KIAA1328: variants seen among roughly 807,000 people sequenced by gnomAD.
KIAA1328 encodes protein hinderin.
In KIAA1328, 52 loss-of-function variants were observed where a neutral mutation model predicts 68.1. That is an observed-to-expected ratio of 0.76 (90% CI 0.61 to 0.96). The LOEUF (loss-of-function observed/expected upper bound fraction) is 0.96. Among genes scored for constraint, KIAA1328 ranks in the 40% least tolerant of loss-of-function variants. The pLI, the probability that KIAA1328 is intolerant of heterozygous loss-of-function variation, is 0.00. For missense variants in KIAA1328, 641 were observed against 677.6 expected (o/e 0.95, Z 0.60); for synonymous variants, 232 against 239.4 (o/e 0.97, Z 0.28).
At chr18:36,905,763 C>G (rs2049197328) in intron 5 of KIAA1328, among the ~76,000 whole-genome samples, 1 of 152,284 alleles carries the variant, frequency 6.6e-6, no homozygotes, top group Admixed American at 6.5e-5. Context: ...CTGACAAGTG[C>G]TCACATTATC....
At chr18:37,191,902 C>T (rs1599556113) in intron 9 of KIAA1328, among the ~76,000 whole-genome samples, 1 of 152,174 alleles carries the variant, frequency 6.6e-6, no homozygotes, top group Non-Finnish European at 1.5e-5. Context: ...CCCTTTGGCA[C>T]CCTCTGTCAG....
At chr18:37,037,753 G>A (rs2055083223) in intron 6 of KIAA1328, among the ~76,000 whole-genome samples, 2 of 151,164 alleles carry the variant, frequency 1.3e-5, no homozygotes, top group African/African-American at 4.9e-5. Context: ...ATACAAATGG[G>A]TTTTCTACCT....
intron 4 of KIAA1328, among the ~76,000 whole-genome samples, chr18:36,847,451 G>A (rs1258516252): frequency 2.0e-5 from 3 of 151,456 alleles, no homozygotes; most frequent in Non-Finnish European, 4.4e-5. Flanking sequence ...TCTAATGAGT[G>A]TAGTGGTTTC....
chr18:37,170,557 C>T (rs539779629), intron 8 of KIAA1328, among the ~76,000 whole-genome samples: 1 of 152,258 alleles, frequency 6.6e-6, no homozygotes, highest in Non-Finnish European at 1.5e-5. Flanking sequence ...TCTCTGTCTC[C>T]CATTTCATGC....
chr18:37,114,788 A>C (rs2058052715), intron 7 of KIAA1328, among the ~76,000 whole-genome samples: 1 of 152,200 alleles, frequency 6.6e-6, no homozygotes, highest in Non-Finnish European at 1.5e-5. Context: ...TAAAGAAGAA[A>C]AGAGAAAGAA....
chr18:36,939,264 C>T (rs1369432085), intron 5 of KIAA1328, among the ~76,000 whole-genome samples: 1 of 152,074 alleles, frequency 6.6e-6, no homozygotes, highest in Non-Finnish European at 1.5e-5. Context: ...TCGGCAATTT[C>T]CTCAATGTTT....
intron 4 of KIAA1328, among the ~76,000 whole-genome samples, chr18:36,881,899 G>C (rs1297330578): frequency 3.9e-5 from 6 of 152,114 alleles, no homozygotes; most frequent in Non-Finnish European, 8.8e-5. Flanking sequence ...GGATAATACT[G>C]CTGTGAACCT....
chr18:37,097,701 C>T, intron 7 of KIAA1328, among the ~76,000 whole-genome samples: 1 of 152,188 alleles, frequency 6.6e-6, no homozygotes, highest in Non-Finnish European at 1.5e-5. Context: ...TCTTCCTACC[C>T]ATGAGCATGG....
intron 7 of KIAA1328, among the ~76,000 whole-genome samples, chr18:37,078,298 C>T (rs947858195): frequency 1.3e-5 from 2 of 152,144 alleles, no homozygotes; most frequent in Admixed American, 6.6e-5. Context: ...GAAGCTGGAT[C>T]CCTTCCTTAC....
chr18:37,083,112 A>G (rs1340813707), intron 7 of KIAA1328, among the ~76,000 whole-genome samples: 2 of 152,020 alleles, frequency 1.3e-5, no homozygotes, highest in Non-Finnish European at 2.9e-5. Context: ...TATAAAATGT[A>G]CTCCTTGAAG....
rs546571171 is a variant in KIAA1328, at chr18:37,223,518, C to T, written c.*1291C>T. 29 of 985,346 alleles carry T rather than the reference C, an allele frequency of 2.9e-5. 1 individual carries two copies. In the African/African-American group the frequency reaches 4.2e-4, roughly 14 times the overall value. The allele number at this position is 985,346 out of a possible 1,614,324, so 61.0% of individuals were successfully genotyped here. On this transcript the variant is annotated 3_prime_UTR_variant, in exon 10 of 10. Transcript: ENST00000280020. ...TGAAAGCAAGGGGAGGGTGTGTTCC[C>T]AGATGTGTATTACTTGGGAATTTTA...
chr18:37,108,550 AAT>A lies in KIAA1328; in HGVS notation c.1232+41011_1232+41012del, dbSNP rs563869792. On this transcript the variant is annotated intron_variant, in intron 7 of 9. Coordinates refer to ENST00000280020, the MANE Select transcript of KIAA1328 (RefSeq NM_020776.3). Reference sequence around the variant, plus strand: ...AAATTATTTGTAATGAACAGTTTAAAATATATAAATTTCTAATAAATATATGT... The same window carrying A: ...AAATTATTTGTAATGAACAGTTTAAAATATAAATTTCTAATAAATATATGT... Among the ~76,000 whole-genome samples the A allele has an allele frequency of 1.1e-3, 172 of 152,368 alleles. 1 individual carries two copies. The highest frequency in any genetic ancestry group is 4.0e-3 in the African/African-American group (165 of 41,584).
At chr18:37,084,223 C>G in intron 7 of KIAA1328, 3 of 1,508,062 alleles carry the variant, frequency 2.0e-6, no homozygotes, top group Non-Finnish European at 2.6e-6. Context: ...GGCAGTGACT[C>G]TGGACCAAGG....
intron 5 of KIAA1328, among the ~76,000 whole-genome samples, chr18:36,889,954 C>G (rs1351767497): frequency 1.3e-5 from 2 of 152,162 alleles, no homozygotes; most frequent in Non-Finnish European, 2.9e-5. Flanking sequence ...GTACCACTTG[C>G]ACCTGTTGAG....
At chr18:36,918,598 A>G (rs935317354) in intron 5 of KIAA1328, among the ~76,000 whole-genome samples, 2 of 152,058 alleles carry the variant, frequency 1.3e-5, no homozygotes, top group Non-Finnish European at 2.9e-5. Context: ...TATTTTTAGT[A>G]GAGACGGGGT....
intron 6 of KIAA1328, among the ~76,000 whole-genome samples, chr18:36,977,745 A>G (rs2052526255): frequency 6.6e-6 from 1 of 152,072 alleles, no homozygotes. Flanking sequence ...GGCTCTGCAT[A>G]TAGTCATACT....
chr18:36,993,250 T>G (rs1051739921), intron 6 of KIAA1328, among the ~76,000 whole-genome samples: 1 of 152,250 alleles, frequency 6.6e-6, no homozygotes, highest in East Asian at 1.9e-4. Context: ...CCTCTACACT[T>G]AGAACATTCT....
intron 7 of KIAA1328, among the ~76,000 whole-genome samples, chr18:37,080,920 A>G (rs1346188039): frequency 6.6e-6 from 1 of 152,074 alleles, no homozygotes; most frequent in Non-Finnish European, 1.5e-5. Flanking sequence ...ACAGTAAAAA[A>G]AAAAAATCCA....
At chr18:37,041,667 T>C (rs2055255867) in intron 6 of KIAA1328, among the ~76,000 whole-genome samples, 1 of 151,808 alleles carries the variant, frequency 6.6e-6, no homozygotes, top group East Asian at 1.9e-4. Flanking sequence ...TGTGTGTGTG[T>C]GTGTGTGTGT....
Sources: gnomAD v4.1 joint callset for allele counts (sites outside exome capture counted in the v4.1 genomes callset) on GRCh38, gnomAD v4.1.1 for gene constraint, MANE v1.5 for transcripts, NCBI Gene and HGNC (gene_info 2026-07-23, HGNC 2026-07-21) for gene names.